KIAA0586: variants seen among roughly 807,000 people sequenced by gnomAD.
KIAA0586 encodes protein TALPID3.
In KIAA0586, 144 loss-of-function variants were observed where a neutral mutation model predicts 169.8. The ratio of observed to expected loss-of-function variants is 0.85; its 90% CI spans 0.74 to 0.97. KIAA0586 has a LOEUF of 0.97. Ranked by LOEUF, KIAA0586 falls within the 50% of genes least tolerant of loss-of-function variation. KIAA0586 has a pLI of 0.00. For missense variants in KIAA0586, 1,854 were observed against 1,823.0 expected, an observed-to-expected ratio of 1.02 and a Z score of -0.31; for synonymous variants, 625 against 612.4, an observed-to-expected ratio of 1.02 and a Z score of -0.30.
At position 58,469,998 on chromosome 14, in the gene KIAA0586, T is replaced by G. The variant is rs993238627; in HGVS notation, c.2443-615T>G. Among the ~76,000 whole-genome samples, 4 of 152,118 alleles carry G rather than the reference T, an allele frequency of 2.6e-5. No individual in the cohort carries two copies. In the South Asian group the frequency reaches 6.2e-4, roughly 24 times the overall value. On this transcript the variant is annotated intron_variant, in intron 16 of 30. Transcript: ENST00000652326. ...CAGTACTTCCAAGAATCTTAAGTAT[T>G]CGTGTCCTGTGGCCCAGAAAGTTAA...
intron 6 of KIAA0586, among the ~76,000 whole-genome samples, chr14:58,445,783 CTT>C (rs34119416): frequency 7.2e-5 from 9 of 124,774 alleles, no homozygotes; most frequent in Admixed American, 2.5e-4. Flanking sequence ...TCAGTAAACT[CTT>C]TTTTTTTTTT....
Position 58,453,482 on chromosome 14 carries a change from A to G in KIAA0586, c.1253+9A>G. 1 of 1,481,312 alleles carries G rather than the reference A, an allele frequency of 6.8e-7. No homozygotes were observed. The highest frequency in any genetic ancestry group is 1.4e-5 in the South Asian group (1 of 69,190). The allele number at this position is 1,481,312 out of a possible 1,614,324, so 91.8% of individuals were successfully genotyped here. A position where few individuals can be genotyped will look rare whatever the true frequency, so the allele number is the denominator to read the frequency against. ...CCTGAGAAAACAAACAGGTAAAAAC[A>G]AGAGATTGGAATGAAAACTAGATTG... On this transcript the variant is annotated intron_variant, in intron 9 of 30. Coordinates refer to ENST00000652326, the MANE Select transcript of KIAA0586 (RefSeq NM_001329943.3).
intron 29 of KIAA0586, among the ~76,000 whole-genome samples, chr14:58,531,401 C>T (rs1024027405): frequency 4.6e-5 from 7 of 150,612 alleles, no homozygotes; most frequent in Admixed American, 2.0e-4. Context: ...ACTTCTCAAA[C>T]GAAGACATTT....
chr14:58,448,043 G>A (rs1261088893), intron 6 of KIAA0586, among the ~76,000 whole-genome samples: 1 of 152,146 alleles, frequency 6.6e-6, no homozygotes, highest in Non-Finnish European at 1.5e-5. Context: ...TTAGCCGGCT[G>A]CAATGGCCCC....
In KIAA0586 at chr14:58,453,404, A is replaced by G; in HGVS notation, c.1184A>G (p.Lys395Arg). 1 of 1,473,660 alleles carries G rather than the reference A, an allele frequency of 6.8e-7. No individual in the cohort carries two copies. 91.3% of individuals were successfully genotyped at this position (1,473,660 alleles called of 1,614,324 possible). A position where few individuals can be genotyped will look rare whatever the true frequency, so the allele number is the denominator to read the frequency against. ...AATAATAATGATTCTTTGACAAGAAAAAGTGAATCATCAAACACCACCTCA... is the reference window on the plus strand; with the variant it reads ...AATAATAATGATTCTTTGACAAGAAGAAGTGAATCATCAAACACCACCTCA... Reference protein sequence around the residue: ...ILNNNDSLTRKSESSNTTSLT... With the variant: ...ILNNNDSLTRRSESSNTTSLT... The change falls in exon 9 of 31, where the codon AAA becomes AGA. Residue 395 changes from lysine to arginine, a missense_variant. Transcript: ENST00000652326.
chr14:58,513,911 T>G (rs771069749), intron 29 of KIAA0586, among the ~76,000 whole-genome samples: 2 of 152,214 alleles, frequency 1.3e-5, no homozygotes, highest in East Asian at 3.9e-4. Flanking sequence ...GGTAAGATGT[T>G]AGCTGGTAGA....
intron 30 of KIAA0586, chr14:58,543,782 T>A: frequency 2.6e-6 from 1 of 379,332 alleles, no homozygotes; most frequent in Non-Finnish European, 5.1e-6. Context: ...GATCATTAGT[T>A]CTTCTATGGA....
At chr14:58,530,239 T>C (rs1465497356) in intron 29 of KIAA0586, among the ~76,000 whole-genome samples, 1 of 152,168 alleles carries the variant, frequency 6.6e-6, no homozygotes, top group East Asian at 1.9e-4. Context: ...ATAGGAAGAA[T>C]CAATATTGTG....
intron 29 of KIAA0586, among the ~76,000 whole-genome samples, chr14:58,516,136 C>G (rs1595455269): frequency 1.3e-5 from 2 of 152,206 alleles, no homozygotes; most frequent in East Asian, 3.9e-4. Context: ...AGTATAGAAC[C>G]ATTGGTAGTC....
At chr14:58,473,885 G>C (rs1021346809) in intron 18 of KIAA0586, among the ~76,000 whole-genome samples, 1 of 151,992 alleles carries the variant, frequency 6.6e-6, no homozygotes, top group Non-Finnish European at 1.5e-5. Flanking sequence ...CAGCCTGGGT[G>C]ACAAGAGTGA....
chr14:58,470,708 G>A lies in KIAA0586; in HGVS notation c.2538G>A (p.Val846=). 6.4e-7 allele frequency: 1 copy of A among 1,566,898 alleles called. No homozygotes were observed. Among genetic ancestry groups the A allele is most frequent in the Non-Finnish European group, 8.8e-7 (1 of 1,137,900 alleles). The part of the protein sequence containing the change: ...SSPKEASLPP[V]QTWIKTPEIM... ...CCAAAGAAGCATCTCTTCCTCCTGT[G>A]CAAACTTGGATAAAGGTATATTTCA... Residue 846 remains valine, a synonymous_variant, in exon 17 of 31, where the codon GTG becomes GTA. Transcript: ENST00000652326.
rs933016805 is a variant in KIAA0586 at position 58,548,775 on chromosome 14, G to A, written c.*843G>A. On this transcript the variant is annotated 3_prime_UTR_variant, in exon 31 of 31. Coordinates refer to ENST00000652326, the MANE Select transcript of KIAA0586 (RefSeq NM_001329943.3). ...GAAACATGTAACTCTATTACCTTTT[G>A]CAACATAAATACATAAAATTAAAGG... The A allele has an allele frequency of 7.2e-5, 11 of 152,018 alleles. No individual in the cohort carries two copies. Among genetic ancestry groups the A allele is most frequent in the Admixed American group, 2.0e-4 (3 of 15,262 alleles). 9.4% of individuals were successfully genotyped at this position (152,018 alleles called of 1,614,324 possible).
chr14:58,523,058 C>CAT (rs779508322), intron 29 of KIAA0586, among the ~76,000 whole-genome samples: 146 of 149,560 alleles, frequency 9.8e-4, no homozygotes, highest in African/African-American at 2.3e-3. Context: ...ATATCTATGT[C>CAT]ATATATATAT....
At chr14:58,543,515 C>T (rs1439308419) in intron 30 of KIAA0586, among the ~76,000 whole-genome samples, 1 of 152,156 alleles carries the variant, frequency 6.6e-6, no homozygotes, top group African/African-American at 2.4e-5. Flanking sequence ...ATCCCCTCTG[C>T]CTTTTACTCC....
At chr14:58,468,042 T>C (rs1479794559) in intron 16 of KIAA0586, 120 bp downstream of exon 16, 1 of 619,326 alleles carries the variant, frequency 1.6e-6, no homozygotes, top group East Asian at 3.1e-5. Flanking sequence ...GACTCTTTTT[T>C]TTAAATTTAT....
chr14:58,430,826 T>C, intron 3 of KIAA0586, 109 bp downstream of exon 3: 1 of 617,840 alleles, frequency 1.6e-6, no homozygotes, highest in Non-Finnish European at 2.8e-6. Flanking sequence ...CACATTGTTG[T>C]ACAATCATCA....
upstream of KIAA0586, chr14:58,427,431 T>C (rs2036908170): frequency 3.1e-6 from 2 of 643,686 alleles, no homozygotes; most frequent in Non-Finnish European, 5.2e-6. Context: ...AGCGAAGCAG[T>C]GTCAACAGTC....
Position 58,492,150 on chromosome 14 carries a change from G to C in KIAA0586, c.3865G>C (p.Asp1289His). The C allele has an allele frequency of 1.3e-6, 2 of 1,520,072 alleles. No homozygotes were observed. Among genetic ancestry groups the C allele is most frequent in the Non-Finnish European group, 1.8e-6 (2 of 1,133,842 alleles). 94.2% of individuals were successfully genotyped at this position (1,520,072 alleles called of 1,614,324 possible). Residue 1289 changes from aspartate (D) to histidine (H), a missense_variant, in exon 26 of 31, where the codon GAT (aspartate) becomes CAT (histidine). Coordinates refer to ENST00000652326, the MANE Select transcript of KIAA0586 (RefSeq NM_001329943.3). The stretch of plus-strand genomic sequence containing the variant: ...GTCTTTATGTTTCTTTTAGGAGGAT[G>C]ATCCTCCTAGTGAAGGGCAAGTGAT... ...TLHDAVEMED[D>H]PPSEGQVIRM...
intron 26 of KIAA0586, 87 bp downstream of exon 26, chr14:58,492,362 T>G: frequency 6.8e-4 from 766 of 1,123,566 alleles, no homozygotes; most frequent in Non-Finnish European, 8.6e-4. Context: ...TAAAGCATGC[T>G]AGTATTTTGG....
Sources: gnomAD v4.1 joint callset for allele counts (sites outside exome capture counted in the v4.1 genomes callset) on GRCh38, gnomAD v4.1.1 for gene constraint, MANE v1.5 for transcripts, NCBI Gene and HGNC (gene_info 2026-07-23, HGNC 2026-07-21) for gene names.